CPED1: variants seen among roughly 807,000 people sequenced by gnomAD.
CPED1 encodes the protein cadherin-like and PC-esterase domain-containing protein 1.
CPED1 carries 114 observed loss-of-function variants against 128.2 expected under a neutral mutation model. That is an observed-to-expected ratio of 0.89 (90% CI 0.76 to 1.04). The LOEUF is 1.04. CPED1 is among the 50% of genes least tolerant of loss of function. The pLI is 0.00. For synonymous variants in CPED1, 462 were observed against 426.7 expected (o/e 1.08, Z -1.02); for missense variants, 1,211 against 1,207.1 (o/e 1.00, Z -0.05).
intron 16 of CPED1, among the ~76,000 whole-genome samples, chr7:121,191,239 G>A (rs1797131396): frequency 6.6e-6 from 1 of 152,164 alleles, no homozygotes; most frequent in Non-Finnish European, 1.5e-5. Context: ...CATAGAAAAG[G>A]GCAACGTTTT....
chr7:121,042,002 G>A (rs1412552512), intron 3 of CPED1, among the ~76,000 whole-genome samples: 1 of 151,996 alleles, frequency 6.6e-6, no homozygotes, highest in African/African-American at 2.4e-5. Context: ...TTCTGAGATG[G>A]GGACTGGAGC....
At chr7:121,064,352 G>T in intron 5 of CPED1, 39 bp downstream of exon 5, 8 of 1,390,134 alleles carry the variant, frequency 5.8e-6, no homozygotes, top group Non-Finnish European at 8.2e-6. Context: ...AAACATGTGA[G>T]ATATGCAGGC....
chr7:121,212,607 T>C (rs1054824023), intron 16 of CPED1, among the ~76,000 whole-genome samples: 5 of 152,052 alleles, frequency 3.3e-5, no homozygotes, highest in Admixed American at 6.6e-5. Flanking sequence ...TGTTTACATA[T>C]CTGTTTTCTC....
At chr7:120,991,501 G>T (rs1299187441) in intron 2 of CPED1, among the ~76,000 whole-genome samples, 1 of 152,182 alleles carries the variant, frequency 6.6e-6, no homozygotes, top group African/African-American at 2.4e-5. Context: ...AGTTGAGATA[G>T]TCTTGCTCTT....
intron 16 of CPED1, among the ~76,000 whole-genome samples, chr7:121,198,156 G>A (rs553763554): frequency 2.0e-5 from 3 of 152,194 alleles, no homozygotes; most frequent in African/African-American, 7.2e-5. Flanking sequence ...GGTGGTGTCA[G>A]CAGAGTTTAT....
intron 16 of CPED1, among the ~76,000 whole-genome samples, chr7:121,197,821 A>C (rs1797305378): frequency 6.6e-6 from 1 of 152,138 alleles, no homozygotes; most frequent in South Asian, 2.1e-4. Flanking sequence ...CTGGCAGCAC[A>C]AGAGTAGCAA....
At chr7:121,036,176 T>C (rs1792880164) in intron 3 of CPED1, among the ~76,000 whole-genome samples, 1 of 152,252 alleles carries the variant, frequency 6.6e-6, no homozygotes, top group Middle Eastern at 3.4e-3. Context: ...TTTGGTTACA[T>C]GAATAAGTAA....
At chr7:121,060,934 C>T (rs1008882121) in intron 4 of CPED1, among the ~76,000 whole-genome samples, 3 of 152,174 alleles carry the variant, frequency 2.0e-5, no homozygotes, top group East Asian at 1.9e-4. Flanking sequence ...GCCAGCGAGA[C>T]CACGAGCCCC....
At chr7:121,114,435 T>G (rs1277898311) in intron 7 of CPED1, among the ~76,000 whole-genome samples, 3 of 152,234 alleles carry the variant, frequency 2.0e-5, no homozygotes, top group African/African-American at 7.2e-5. Context: ...CATGAACTGA[T>G]GAACTGTAAG....
chr7:121,165,400 T>C (rs1227842521), intron 16 of CPED1, among the ~76,000 whole-genome samples: 1 of 152,170 alleles, frequency 6.6e-6, no homozygotes, highest in African/African-American at 2.4e-5. Flanking sequence ...TGACCAGTAA[T>C]GAAAATAAAG....
At chr7:120,996,567 G>A (rs1276825693) in intron 2 of CPED1, among the ~76,000 whole-genome samples, 1 of 152,080 alleles carries the variant, frequency 6.6e-6, no homozygotes, top group Non-Finnish European at 1.5e-5. Flanking sequence ...TAGACATGGT[G>A]CTCCTTTTTT....
intron 22 of CPED1, among the ~76,000 whole-genome samples, chr7:121,289,906 A>G (rs1285209813): frequency 1.3e-5 from 2 of 152,170 alleles, no homozygotes; most frequent in African/African-American, 2.4e-5. Context: ...TGCTGCATCC[A>G]TCAACCCATC....
At chr7:121,203,998 C>T (rs1218563432) in intron 16 of CPED1, among the ~76,000 whole-genome samples, 1 of 152,042 alleles carries the variant, frequency 6.6e-6, no homozygotes, top group Non-Finnish European at 1.5e-5. Flanking sequence ...TGAGGGTTCC[C>T]AACCCTCGCT....
rs1004684670 is a variant in CPED1, at chr7:120,989,723, C to A, written c.102C>A (p.Thr34=). The part of the protein sequence containing the change: ...VAICLFYQTL[T]LRGSRKLTAA... ...TCTGTCTCTTCTACCAGACTCTGAC[C>A]CTCCGAGGGTCGAGGAAGCTCACAG... Residue 34 remains threonine, a synonymous_variant, in exon 2 of 23, where the codon ACC becomes ACA. Coordinates refer to ENST00000310396, the MANE Select transcript of CPED1 (RefSeq NM_024913.5). The A allele has an allele frequency of 6.2e-7, 1 of 1,613,828 alleles. No homozygotes were observed. The highest frequency in any genetic ancestry group is 8.5e-7 in the Non-Finnish European group (1 of 1,180,008).
intron 22 of CPED1, among the ~76,000 whole-genome samples, chr7:121,289,068 A>G (rs894095942): frequency 3.9e-5 from 6 of 152,134 alleles, no homozygotes; most frequent in East Asian, 1.9e-4. Flanking sequence ...TACACAGTAG[A>G]AAATTTTGAC....
intron 16 of CPED1, among the ~76,000 whole-genome samples, chr7:121,234,815 A>T (rs950773386): frequency 5.3e-5 from 8 of 152,120 alleles, no homozygotes; most frequent in African/African-American, 1.9e-4. Context: ...ACACACACGT[A>T]CACGTGTGTA....
At chr7:121,024,313 C>A (rs1792514316) in intron 3 of CPED1, among the ~76,000 whole-genome samples, 1 of 152,064 alleles carries the variant, frequency 6.6e-6, no homozygotes, top group African/African-American at 2.4e-5. Flanking sequence ...GTGACCTCCC[C>A]ATTCTGATGT....
intron 16 of CPED1, among the ~76,000 whole-genome samples, chr7:121,148,675 G>T (rs1584548353): frequency 1.3e-5 from 2 of 152,250 alleles, no homozygotes; most frequent in South Asian, 2.1e-4. Context: ...GAGAAGAATT[G>T]ATTGGGAGTT....
In CPED1 at chr7:120,989,792, G is replaced by T. The variant is rs758534415; in HGVS notation, c.171G>T (p.Gln57His). The T allele has an allele frequency of 1.2e-6, 2 of 1,614,030 alleles. No homozygotes were observed. Among genetic ancestry groups the T allele is most frequent in the Non-Finnish European group, 1.7e-6 (2 of 1,180,030 alleles). The change falls in exon 2 of 23, where the codon CAG (glutamine) becomes CAT (histidine). Residue 57 changes from glutamine to histidine, a missense_variant. Gln to His is a conservative substitution (Grantham distance 24, BLOSUM62 0). Transcript: ENST00000310396. ...GAVPHTSTETQASRCKKGFSQ... is the reference protein window; with the variant it reads ...GAVPHTSTETHASRCKKGFSQ... ...TCCCACACACATCCACTGAAACCCA[G>T]GCAAGCAGATGCAAGAAAGGATTCT...
Sources: gnomAD v4.1 joint callset for allele counts (sites outside exome capture counted in the v4.1 genomes callset) on GRCh38, gnomAD v4.1.1 for gene constraint, MANE v1.5 for transcripts, NCBI Gene and HGNC (gene_info 2026-07-23, HGNC 2026-07-21) for gene names.